The following CDH2 variants were observed in gnomAD, a reference collection of about 807,000 sequenced individuals.
CDH2 encodes the protein cadherin 2.
Under a neutral mutation model 92.0 loss-of-function variants are expected in CDH2, and 17 were observed. That is an observed-to-expected ratio of 0.18 (90% CI 0.13 to 0.28). CDH2 has a LOEUF of 0.28. Ranked by LOEUF, CDH2 falls within the 10% of genes least tolerant of loss-of-function variation. The pLI is 1.00. For missense variants in CDH2, 862 were observed against 1,133.1 expected, an observed-to-expected ratio of 0.76 and a Z score of 3.44; for synonymous variants, 419 against 415.9, an observed-to-expected ratio of 1.01 and a Z score of -0.09.
intron 5 of CDH2, among the ~76,000 whole-genome samples, chr18:28,007,414 G>C (rs1270310575): frequency 1.3e-5 from 2 of 151,178 alleles, no homozygotes; most frequent in African/African-American, 4.9e-5. Flanking sequence ...AATGCTTCTA[G>C]TTTTCATGTT....
At chr18:28,017,424 T>C (rs998553891) in intron 2 of CDH2, among the ~76,000 whole-genome samples, 2 of 152,170 alleles carry the variant, frequency 1.3e-5, no homozygotes, top group African/African-American at 4.8e-5. Flanking sequence ...TAGTCTTGAA[T>C]GATCTTTTGT....
chr18:28,043,866 G>A (rs986661892), intron 2 of CDH2, among the ~76,000 whole-genome samples: 8 of 139,616 alleles, frequency 5.7e-5, no homozygotes, highest in African/African-American at 7.7e-5. Flanking sequence ...ACTCATCTCA[G>A]TCTCATCTTT....
intron 2 of CDH2, among the ~76,000 whole-genome samples, chr18:28,083,682 T>C (rs2014873078): frequency 6.6e-6 from 1 of 152,186 alleles, no homozygotes; most frequent in Admixed American, 6.5e-5. Context: ...TTGATGTGAA[T>C]ATGCTCTTTC....
At chr18:28,076,968 G>A (rs968864182) in intron 2 of CDH2, among the ~76,000 whole-genome samples, 1 of 152,060 alleles carries the variant, frequency 6.6e-6, no homozygotes, top group Non-Finnish European at 1.5e-5. Context: ...CACTTGCCTT[G>A]ATAAAAATTT....
chr18:28,020,127 A>G (rs1215888515), intron 2 of CDH2, among the ~76,000 whole-genome samples: 1 of 152,094 alleles, frequency 6.6e-6, no homozygotes, highest in African/African-American at 2.4e-5. Context: ...TGGTTCACCT[A>G]TGACTTAGAT....
At chr18:28,170,434 C>T (rs1349973401) in intron 1 of CDH2, among the ~76,000 whole-genome samples, 1 of 152,188 alleles carries the variant, frequency 6.6e-6, no homozygotes, top group East Asian at 1.9e-4. Flanking sequence ...CAACCTCCGC[C>T]TCCCGGGTTC....
chr18:28,043,811 A>T (rs971936322), intron 2 of CDH2, among the ~76,000 whole-genome samples: 1 of 150,416 alleles, frequency 6.6e-6, no homozygotes, highest in African/African-American at 2.4e-5. Flanking sequence ...GTGAATGATC[A>T]CAGCAGACTG....
At chr18:28,130,284 T>C (rs2015744894) in intron 2 of CDH2, among the ~76,000 whole-genome samples, 1 of 152,080 alleles carries the variant, frequency 6.6e-6, no homozygotes, top group African/African-American at 2.4e-5. Context: ...TCTGAGAGAC[T>C]CAGGGGCTAA....
Position 27,957,064 on chromosome 18 carries a change from CTA to C in CDH2, c.2515-4707_2515-4706del, listed in dbSNP as rs997209216. Reference sequence around the variant, plus strand: ...CAAAGCATCATGTTCTTGTGCACTTCTATGTTGTTTATTCATTTTTTTTAGAA... The same window carrying C: ...CAAAGCATCATGTTCTTGTGCACTTCTGTTGTTTATTCATTTTTTTTAGAA... On this transcript the variant is annotated intron_variant, in intron 15 of 15. Transcript: ENST00000269141. Among the ~76,000 whole-genome samples the C allele has an allele frequency of 2.6e-5, 4 of 151,934 alleles. 1 individual carries two copies. The highest frequency in any genetic ancestry group is 4.1e-4 in the South Asian group (2 of 4,820).
At chr18:28,146,836 T>A (rs1301964368) in intron 2 of CDH2, 1 of 152,154 alleles carries the variant, frequency 6.6e-6, no homozygotes, top group Admixed American at 6.6e-5. Flanking sequence ...ATGCAAGATT[T>A]GTGGGGAATT....
intron 1 of CDH2, among the ~76,000 whole-genome samples, chr18:28,165,108 G>A (rs1196976635): frequency 6.6e-6 from 1 of 152,186 alleles, no homozygotes; most frequent in Non-Finnish European, 1.5e-5. Context: ...TAAAACAATG[G>A]TAATGACCAG....
At chr18:28,033,269 GTATT>G (rs1162996117) in intron 2 of CDH2, among the ~76,000 whole-genome samples, 1 of 152,100 alleles carries the variant, frequency 6.6e-6, no homozygotes, top group Non-Finnish European at 1.5e-5. Flanking sequence ...TATTTGGGAA[GTATT>G]TTTTCAAGGG....
chr18:27,987,571 A>G (rs1209395219), intron 11 of CDH2, among the ~76,000 whole-genome samples: 1 of 152,208 alleles, frequency 6.6e-6, no homozygotes, highest in East Asian at 1.9e-4. Context: ...ATTTTTTATT[A>G]AGTACCAACA....
chr18:28,041,079 T>C (rs1219340712), intron 2 of CDH2, among the ~76,000 whole-genome samples: 1 of 152,170 alleles, frequency 6.6e-6, no homozygotes, highest in Non-Finnish European at 1.5e-5. Flanking sequence ...TGGCTTTCAG[T>C]TACTGGGGAG....
chr18:28,167,089 G>C (rs1438014930), intron 1 of CDH2, among the ~76,000 whole-genome samples: 1 of 152,098 alleles, frequency 6.6e-6, no homozygotes, highest in Non-Finnish European at 1.5e-5. Flanking sequence ...TAAGCTCAGA[G>C]AAGGTATTAA....
rs1555632743 is a variant in CDH2 at position 28,007,165 on chromosome 18, A to AT, written c.703-1173_703-1172insA. 3.5e-3 allele frequency among the ~76,000 whole-genome samples: 390 copies of AT among 110,448 alleles called. 4 individuals are homozygous for AT. The highest frequency in any genetic ancestry group is 4.8e-3 in the African/African-American group (109 of 22,572). The allele number at this position is 110,448 out of a possible 152,430, so 72.5% of individuals were successfully genotyped here. On this transcript the variant is annotated intron_variant, in intron 5 of 15. Transcript: ENST00000269141. The stretch of plus-strand genomic sequence containing the variant: ...ACAGAGTGAGACTCCATAAAAAAAA[A>AT]ATATATATATATATATATATATATA...
chr18:28,154,537 TGTGA>T (rs1222939141), intron 1 of CDH2, among the ~76,000 whole-genome samples: 5 of 152,260 alleles, frequency 3.3e-5, no homozygotes, highest in Admixed American at 1.3e-4. Flanking sequence ...TCTGCTTGCC[TGTGA>T]GTATCAGTCT....
At chr18:27,933,474 A>G (rs534989357) in intron 6 of CDH2, among the ~76,000 whole-genome samples, 3 of 152,310 alleles carry the variant, frequency 2.0e-5, no homozygotes, top group Admixed American at 1.3e-4. Flanking sequence ...ATTATTCCTG[A>G]ACCCCTATAG....
intron 5 of CDH2, among the ~76,000 whole-genome samples, chr18:28,006,878 T>C (rs145638734): frequency 6.6e-6 from 1 of 151,902 alleles, no homozygotes; most frequent in East Asian, 1.9e-4. Context: ...AAAAATATAC[T>C]AGTATATGGC....
Sources: allele counts gnomAD v4.1 joint callset (sites outside exome capture counted in the v4.1 genomes callset), GRCh38; gene constraint gnomAD v4.1.1; transcripts MANE v1.5; gene names NCBI Gene and HGNC (gene_info 2026-07-23, HGNC 2026-07-21).